TMEM123: variants seen among roughly 807,000 people sequenced by gnomAD.
The protein encoded by TMEM123 is porimin.
In TMEM123, 16 loss-of-function variants were observed where a neutral mutation model predicts 19.7. That is an observed-to-expected ratio of 0.81 (90% confidence interval 0.55 to 1.23). The LOEUF (loss-of-function observed/expected upper bound fraction) is 1.23, where lower values mean the gene tolerates loss of function less well. Among genes scored for constraint, TMEM123 ranks in the 50% most tolerant of loss-of-function variants. TMEM123 has a pLI of 0.00. For missense variants in TMEM123, 313 were observed against 257.8 expected, an observed-to-expected ratio of 1.21 and a Z score of -1.47; for synonymous variants, 118 against 99.4, an observed-to-expected ratio of 1.19 and a Z score of -1.12.
rs1203355889 is a variant in TMEM123 at position 102,397,875 on chromosome 11, G to A, written c.*992C>T. 1 of 152,124 alleles carries A rather than the reference G, an allele frequency of 6.6e-6. No homozygotes were observed. The highest frequency in any genetic ancestry group is 1.9e-4 in the East Asian group (1 of 5,194). 9.4% of individuals were successfully genotyped at this position (152,124 alleles called of 1,614,324 possible). The stretch of plus-strand genomic sequence containing the variant: ...GTTTTGACTCTATAGAATTCTAAAT[G>A]TTCTTTTGAAAATCATACAAGCGGT... On this transcript the variant is annotated 3_prime_UTR_variant, in exon 5 of 5. Coordinates refer to ENST00000398136, the MANE Select transcript of TMEM123 (RefSeq NM_052932.3).
At chr11:102,411,575 G>C (rs1269152340) in intron 2 of TMEM123, among the ~76,000 whole-genome samples, 1 of 152,100 alleles carries the variant, frequency 6.6e-6, no homozygotes, top group South Asian at 2.1e-4. Context: ...TGTGGGCTGA[G>C]ACCTTAACTG....
chr11:102,429,366 T>C (rs1952156591), intron 2 of TMEM123, among the ~76,000 whole-genome samples: 1 of 152,206 alleles, frequency 6.6e-6, no homozygotes, highest in Admixed American at 6.5e-5. Flanking sequence ...ACGCTTACGG[T>C]TCCTCTTCAG....
intron 2 of TMEM123, among the ~76,000 whole-genome samples, chr11:102,407,824 C>T (rs114591706): frequency 4.3e-4 from 66 of 152,262 alleles, no homozygotes; most frequent in African/African-American, 1.6e-3. Flanking sequence ...TCCAGCCTCC[C>T]GAACTGTGAG....
At chr11:102,400,058 G>A (rs760839154) in intron 4 of TMEM123, among the ~76,000 whole-genome samples, 5 of 152,078 alleles carry the variant, frequency 3.3e-5, no homozygotes, top group Non-Finnish European at 5.9e-5. Context: ...TTTATGATGC[G>A]ATGTTTATTT....
At chr11:102,445,136 G>A (rs749071123) in intron 2 of TMEM123, among the ~76,000 whole-genome samples, 8 of 152,144 alleles carry the variant, frequency 5.3e-5, no homozygotes, top group Non-Finnish European at 7.4e-5. Context: ...AAATCTGCAC[G>A]TTGTGCACAT....
chr11:102,406,349 A>G (rs1591554205), intron 2 of TMEM123, among the ~76,000 whole-genome samples: 1 of 152,184 alleles, frequency 6.6e-6, no homozygotes, highest in South Asian at 2.1e-4. Context: ...CTAGGGCACT[A>G]CCTGAAGAGC....
chr11:102,414,433 T>C (rs1229202159), intron 2 of TMEM123, among the ~76,000 whole-genome samples: 4 of 151,742 alleles, frequency 2.6e-5, no homozygotes, highest in African/African-American at 7.3e-5. Flanking sequence ...AAAGGAAAAA[T>C]ACTAAAGACA....
intron 2 of TMEM123, among the ~76,000 whole-genome samples, chr11:102,440,409 G>T (rs980461693): frequency 2.6e-5 from 4 of 152,154 alleles, no homozygotes; most frequent in Non-Finnish European, 5.9e-5. Flanking sequence ...CATTCTTAAA[G>T]AAAAGAATTT....
At chr11:102,421,331 A>G (rs1952085468) in intron 2 of TMEM123, among the ~76,000 whole-genome samples, 1 of 152,216 alleles carries the variant, frequency 6.6e-6, no homozygotes, top group South Asian at 2.1e-4. Flanking sequence ...CACATCTGGA[A>G]TATTTTGAAA....
At chr11:102,436,168 T>C (rs1165123801) in intron 2 of TMEM123, among the ~76,000 whole-genome samples, 1 of 151,666 alleles carries the variant, frequency 6.6e-6, no homozygotes, top group Non-Finnish European at 1.5e-5. Flanking sequence ...TTATTTTTTA[T>C]TTATTTTATT....
At chr11:102,410,981 G>A (rs1244797032) in intron 2 of TMEM123, among the ~76,000 whole-genome samples, 1 of 151,898 alleles carries the variant, frequency 6.6e-6, no homozygotes, top group Non-Finnish European at 1.5e-5. Flanking sequence ...AATATATTTG[G>A]TCTTTGTCCC....
rs754282824 is a variant in TMEM123, at chr11:102,402,109, C to T, written c.255G>A (p.Thr85=). 15 of 1,613,860 alleles carry T rather than the reference C, an allele frequency of 9.3e-6. No individual in the cohort carries two copies. Among genetic ancestry groups the T allele is most frequent in the Non-Finnish European group, 1.2e-5 (14 of 1,180,030 alleles). The change falls in exon 3 of 5, where the codon ACG becomes ACA. Residue 85 remains threonine (T), a synonymous_variant. Coordinates refer to ENST00000398136, the MANE Select transcript of TMEM123 (RefSeq NM_052932.3). ...TSVASDSSNT[T]VTTMKPTAAS... ...CCGCTGTAGGTTTCATGGTGGTGAC[C>T]GTTGTATTACTGGAGTCTGAGGCAA... is the stretch of plus-strand genomic sequence containing the variant.
chr11:102,451,890 T>A (rs1020248431), intron 1 of TMEM123, among the ~76,000 whole-genome samples: 3 of 152,228 alleles, frequency 2.0e-5, no homozygotes, highest in Non-Finnish European at 2.9e-5. Context: ...CGGGTGTTTA[T>A]GGCACACGAG....
intron 2 of TMEM123, among the ~76,000 whole-genome samples, chr11:102,438,442 G>C (rs79155245): frequency 5.5e-4 from 84 of 152,296 alleles, no homozygotes; most frequent in African/African-American, 1.9e-3. Flanking sequence ...ATCTTCATGA[G>C]AGCAGGAACT....
intron 2 of TMEM123, among the ~76,000 whole-genome samples, chr11:102,403,561 A>T (rs1199315480): frequency 1.3e-5 from 2 of 152,122 alleles, no homozygotes; most frequent in Admixed American, 1.3e-4. Flanking sequence ...ATATTTCTGT[A>T]TTCATTTCCT....
intron 2 of TMEM123, among the ~76,000 whole-genome samples, chr11:102,428,218 C>T (rs1179854304): frequency 6.6e-6 from 1 of 152,138 alleles, no homozygotes; most frequent in Non-Finnish European, 1.5e-5. Context: ...TCAGATCTAA[C>T]TTCAATTTTT....
intron 2 of TMEM123, among the ~76,000 whole-genome samples, chr11:102,420,752 T>C (rs1038188864): frequency 7.2e-5 from 11 of 152,166 alleles, no homozygotes; most frequent in South Asian, 2.1e-4. Flanking sequence ...CTTTAACACA[T>C]TGCTGACTAA....
chr11:102,412,027 CT>C (rs1952009705), intron 2 of TMEM123, among the ~76,000 whole-genome samples: 1 of 152,188 alleles, frequency 6.6e-6, no homozygotes, highest in South Asian at 2.1e-4. Flanking sequence ...ATTTCTGTTG[CT>C]TTGTTATGTT....
intron 2 of TMEM123, among the ~76,000 whole-genome samples, chr11:102,433,455 T>C (rs1218452673): frequency 6.6e-6 from 1 of 151,954 alleles, no homozygotes; most frequent in Non-Finnish European, 1.5e-5. Context: ...TTGGAACAGG[T>C]GTATTTACCC....
Sources: allele counts gnomAD v4.1 joint callset (sites outside exome capture counted in the v4.1 genomes callset), GRCh38; gene constraint gnomAD v4.1.1; transcripts MANE v1.5; gene names NCBI Gene and HGNC (gene_info 2026-07-23, HGNC 2026-07-21).